AGO3: variants seen among roughly 807,000 people sequenced by gnomAD.
AGO3 encodes argonaute RISC catalytic component 3, also known as protein argonaute-3.
AGO3 carries 16 observed loss-of-function variants against 105.5 expected under a neutral mutation model. The ratio of observed to expected loss-of-function variants is 0.15; its 90% CI spans 0.10 to 0.23. The LOEUF (loss-of-function observed/expected upper bound fraction) is 0.23, where lower values mean the gene tolerates loss of function less well. Among genes scored for constraint, AGO3 ranks in the 10% least tolerant of loss-of-function variants. The pLI, the probability that AGO3 is intolerant of heterozygous loss-of-function variation, is 1.00. For missense variants in AGO3, 534 were observed against 1,088.0 expected (o/e 0.49, Z 7.16); for synonymous variants, 340 against 367.3 (o/e 0.93, Z 0.85).
At chr1:35,983,014 G>A (rs761149282) in intron 5 of AGO3, 10 of 180,924 alleles carry the variant, frequency 5.5e-5, no homozygotes, top group Non-Finnish European at 1.0e-4. Context: ...TTGGGGGCAG[G>A]CTGTCAGGAA....
chr1:35,991,388 G>A (rs2148794663), intron 5 of AGO3, among the ~76,000 whole-genome samples: 1 of 152,122 alleles, frequency 6.6e-6, no homozygotes, highest in South Asian at 2.1e-4. Context: ...GTTGAGTTAT[G>A]CCCTTTGTGT....
At chr1:35,992,281 A>G (rs1647740822) in intron 5 of AGO3, 1 of 152,244 alleles carries the variant, frequency 6.6e-6, no homozygotes, top group South Asian at 2.1e-4. Context: ...CCTCTGTTGT[A>G]TCTCTTCCAG....
At chr1:35,934,643 T>C (rs986849323) in intron 1 of AGO3, among the ~76,000 whole-genome samples, 2 of 152,132 alleles carry the variant, frequency 1.3e-5, no homozygotes, top group Non-Finnish European at 2.9e-5. Context: ...AACAATCTTC[T>C]TTTTATTTAT....
intron 5 of AGO3, among the ~76,000 whole-genome samples, chr1:35,975,835 CAAAG>C (rs1646946555): frequency 6.6e-6 from 1 of 151,894 alleles, no homozygotes; most frequent in Non-Finnish European, 1.5e-5. Context: ...TCTTTTCTGT[CAAAG>C]AATATACTAT....
At chr1:35,985,614 G>C (rs1220341484) in intron 5 of AGO3, among the ~76,000 whole-genome samples, 1 of 152,138 alleles carries the variant, frequency 6.6e-6, no homozygotes, top group African/African-American at 2.4e-5. Flanking sequence ...AAAAAAATTA[G>C]ATCCATCTTA....
chr1:36,039,947 T>G lies in AGO3; in HGVS notation c.2000T>G (p.Phe667Cys), dbSNP rs1179308091. 21 of 1,613,706 alleles carry G rather than the reference T, an allele frequency of 1.3e-5. No individual in the cohort carries two copies. Among genetic ancestry groups the G allele is most frequent in the Non-Finnish European group, 1.8e-5 (21 of 1,179,876 alleles). ...CGGTTCAAGCCTACTCGTATCATCT[T>G]TTATCGGGATGGTGTTTCAGAGGGG... ...STRFKPTRII[F>C]YRDGVSEGQF... The change falls in exon 15 of 19, where the codon TTT becomes TGT. Residue 667 changes from phenylalanine (F) to cysteine (C), a missense_variant. This residue lies in a region of AGO3 where 373 missense variants were observed against 854.0 expected (regional missense o/e 0.44). Transcript: ENST00000373191.
chr1:36,032,686 G>GT (rs1347481998), intron 12 of AGO3, among the ~76,000 whole-genome samples: 1 of 148,098 alleles, frequency 6.8e-6, no homozygotes, highest in Non-Finnish European at 1.5e-5. Flanking sequence ...ATTTTTCTAT[G>GT]TTTTTTATAT....
intron 2 of AGO3, among the ~76,000 whole-genome samples, chr1:35,956,519 A>G (rs1465620446): frequency 6.6e-6 from 1 of 152,200 alleles, no homozygotes; most frequent in East Asian, 1.9e-4. Context: ...GATCTCTGAG[A>G]TACTATTATT....
intron 16 of AGO3, among the ~76,000 whole-genome samples, chr1:36,042,946 TGC>T (rs1401344158): frequency 6.6e-6 from 1 of 152,234 alleles, no homozygotes; most frequent in Non-Finnish European, 1.5e-5. Flanking sequence ...ATCCCTAACT[TGC>T]AGGATTGTTA....
chr1:36,003,713 T>C (rs200038364), intron 5 of AGO3, among the ~76,000 whole-genome samples: 3 of 90,250 alleles, frequency 3.3e-5, no homozygotes, highest in African/African-American at 4.9e-5. Context: ...AAAAAAAATA[T>C]ATATATATAT....
At chr1:36,011,141 C>G (rs1423579986) in intron 9 of AGO3, among the ~76,000 whole-genome samples, 2 of 152,018 alleles carry the variant, frequency 1.3e-5, no homozygotes, top group African/African-American at 2.4e-5. Context: ...GCTCTGTTCT[C>G]GAATACCATT....
intron 5 of AGO3, among the ~76,000 whole-genome samples, chr1:35,985,325 C>T (rs1280123938): frequency 1.3e-5 from 2 of 152,074 alleles, no homozygotes; most frequent in East Asian, 3.8e-4. Context: ...TAGTATAACA[C>T]TTGATAAGTC....
chr1:35,954,583 C>T lies in AGO3; in HGVS notation c.191+8720C>T, dbSNP rs551518623. Among the ~76,000 whole-genome samples, 31 of 152,288 alleles carry T rather than the reference C, an allele frequency of 2.0e-4. 1 individual carries two copies. The highest frequency in any genetic ancestry group is 2.0e-3 in the Admixed American group (30 of 15,300). On this transcript the variant is annotated intron_variant, in intron 2 of 18. Transcript: ENST00000373191. Reference sequence around the variant, plus strand: ...ATTGGTACTAGATTTACAGGATATACGGAAACTTAAAGATCATTTTTGAAT... The same window carrying T: ...ATTGGTACTAGATTTACAGGATATATGGAAACTTAAAGATCATTTTTGAAT...
At chr1:35,951,674 C>T (rs1557647765) in intron 2 of AGO3, among the ~76,000 whole-genome samples, 1 of 152,086 alleles carries the variant, frequency 6.6e-6, no homozygotes, top group Non-Finnish European at 1.5e-5. Flanking sequence ...TAGGTTTGAG[C>T]CACTGCACCC....
At chr1:35,946,309 A>G (rs193075608) in intron 2 of AGO3, among the ~76,000 whole-genome samples, 4 of 152,120 alleles carry the variant, frequency 2.6e-5, no homozygotes, top group African/African-American at 9.6e-5. Context: ...CCAATTCCCA[A>G]CTGTTTCTTA....
intron 6 of AGO3, among the ~76,000 whole-genome samples, chr1:36,004,689 C>G (rs1192642625): frequency 6.6e-6 from 1 of 152,026 alleles, no homozygotes; most frequent in Non-Finnish European, 1.5e-5. Flanking sequence ...GTATCACTAC[C>G]AGCTAATTTT....
rs1646964998 is a variant in AGO3, at chr1:35,976,880, T to G, written c.658+3369T>G. Among the ~76,000 whole-genome samples the G allele has an allele frequency of 2.0e-5, 3 of 152,190 alleles. No homozygotes were observed. The South Asian group carries it at 6.2e-4, about 31-fold the overall frequency. On this transcript the variant is annotated intron_variant, in intron 5 of 18. Coordinates refer to ENST00000373191, the MANE Select transcript of AGO3 (RefSeq NM_024852.4). The stretch of plus-strand genomic sequence containing the variant: ...AGTTTTGGTATTATTTCCTAAAAAA[T>G]TCAGAAGTTTTCCATTTTCTAAAAT...
chr1:35,938,815 A>G (rs1409261369), intron 1 of AGO3, among the ~76,000 whole-genome samples: 2 of 152,212 alleles, frequency 1.3e-5, no homozygotes, highest in Non-Finnish European at 2.9e-5. Flanking sequence ...GCTATAGTAT[A>G]TGTTATAGTT....
At chr1:36,022,373 T>C (rs78578310) in intron 11 of AGO3, among the ~76,000 whole-genome samples, 2,319 of 152,254 alleles carry the variant, frequency 0.015, 50 homozygotes, top group African/African-American at 0.053. Context: ...CATTTGTAAA[T>C]AGACTTCTTA....
Sources: allele counts gnomAD v4.1 joint callset (sites outside exome capture counted in the v4.1 genomes callset), GRCh38; gene constraint gnomAD v4.1.1; regional missense constraint gnomAD v4.1.1; transcripts MANE v1.5; gene names NCBI Gene and HGNC (gene_info 2026-07-23, HGNC 2026-07-21).